The following PALLD variants were observed in gnomAD, a reference collection of about 807,000 sequenced individuals.
PALLD encodes the protein palladin.
A neutral mutation model predicts 123.5 loss-of-function variants in PALLD; 61 were observed. That is an observed-to-expected ratio of 0.49 (90% CI 0.40 to 0.61). The LOEUF is 0.61. Ranked by LOEUF, PALLD falls within the 20% of genes least tolerant of loss-of-function variation. The probability of loss-of-function intolerance (pLI) is 0.00; values close to 1 mark genes in which losing one functional copy is unlikely to be tolerated. For synonymous variants in PALLD, 465 were observed against 496.4 expected, an observed-to-expected ratio of 0.94 and a Z score of 0.84; for missense variants, 1,273 against 1,377.0, an observed-to-expected ratio of 0.92 and a Z score of 1.20.
At chr4:168,803,700 A>G (rs113994621) in intron 10 of PALLD, among the ~76,000 whole-genome samples, 3,181 of 146,350 alleles carry the variant, frequency 0.022, 124 homozygotes, top group African/African-American at 0.074. Context: ...AAAAAAAAAG[A>G]AAAAAGGAAA....
intron 15 of PALLD, among the ~76,000 whole-genome samples, chr4:168,912,325 A>G (rs1759138082): frequency 1.3e-5 from 2 of 152,222 alleles, no homozygotes; most frequent in African/African-American, 4.8e-5. Flanking sequence ...CATTGATGGT[A>G]CATCTGCTTC....
At chr4:168,670,665 G>A (rs2466538) in intron 3 of PALLD, among the ~76,000 whole-genome samples, 48,806 of 143,714 alleles carry the variant, frequency 0.34, 8,624 homozygotes, top group African/African-American at 0.44. Flanking sequence ...CCCGGGAAGC[G>A]GAGCTTGCAG....
intron 10 of PALLD, among the ~76,000 whole-genome samples, chr4:168,754,066 CT>C (rs1364529982): frequency 6.6e-6 from 1 of 152,112 alleles, no homozygotes; most frequent in Non-Finnish European, 1.5e-5. Context: ...AAATTCAGAG[CT>C]TTTTAAAATA....
intron 10 of PALLD, among the ~76,000 whole-genome samples, chr4:168,753,713 A>C (rs949421087): frequency 5.3e-5 from 8 of 152,114 alleles, no homozygotes; most frequent in Non-Finnish European, 1.2e-4. Flanking sequence ...GCAGATAGGA[A>C]CTGGGGCCTC....
intron 10 of PALLD, among the ~76,000 whole-genome samples, chr4:168,716,877 A>G (rs535795065): frequency 6.6e-6 from 1 of 152,296 alleles, no homozygotes; most frequent in South Asian, 2.1e-4. Context: ...GGTTTCCTCC[A>G]CACTCCTAGA....
chr4:168,760,424 C>T (rs1732673805), intron 10 of PALLD, among the ~76,000 whole-genome samples: 1 of 152,168 alleles, frequency 6.6e-6, no homozygotes, highest in Non-Finnish European at 1.5e-5. Context: ...CAAATTGCAG[C>T]ATGGGACTTT....
At chr4:168,837,876 A>C (rs763063735) in intron 10 of PALLD, among the ~76,000 whole-genome samples, 1 of 152,216 alleles carries the variant, frequency 6.6e-6, no homozygotes, top group Non-Finnish European at 1.5e-5. Context: ...CTTATATGCC[A>C]GTGGAAAGAG....
chr4:168,689,122 C>G (rs1327415585), intron 6 of PALLD, among the ~76,000 whole-genome samples: 1 of 152,202 alleles, frequency 6.6e-6, no homozygotes, highest in Admixed American at 6.5e-5. Context: ...TTCTAGTTAA[C>G]TACCAAAATG....
intron 19 of PALLD, 42 bp downstream of exon 19, chr4:168,924,462 C>G: frequency 6.6e-7 from 1 of 1,526,396 alleles, no homozygotes; most frequent in Non-Finnish European, 9.1e-7. Context: ...ACTGTTCAGT[C>G]CTAATGATGT....
chr4:168,524,364 T>C (rs889641205), intron 2 of PALLD, among the ~76,000 whole-genome samples: 1 of 152,204 alleles, frequency 6.6e-6, no homozygotes, highest in Non-Finnish European at 1.5e-5. Flanking sequence ...CATACTAAGA[T>C]ATGAATAGTT....
At position 168,926,635 on chromosome 4, in the gene PALLD, T is replaced by TAAAG. The variant is rs1762614930; in HGVS notation, c.*456_*459dup. 2 of 397,180 alleles carry TAAAG rather than the reference T, an allele frequency of 5.0e-6. No homozygotes were observed. The highest frequency in any genetic ancestry group is 4.1e-5 in the Admixed American group (1 of 24,450). The allele number at this position is 397,180 out of a possible 1,614,324, so 24.6% of individuals were successfully genotyped here. A position where few individuals can be genotyped will look rare whatever the true frequency, so the allele number is the denominator to read the frequency against. ...TTTAAAACTTTGGAATTGCTGTGATTAAAGTGATCAAAATGCCAAAATACT... is the reference window on the plus strand; with the variant it reads ...TTTAAAACTTTGGAATTGCTGTGATTAAAGAAAGTGATCAAAATGCCAAAATACT... On this transcript the variant is annotated 3_prime_UTR_variant, in exon 22 of 22. Coordinates refer to ENST00000505667, the MANE Select transcript of PALLD (RefSeq NM_001166108.2).
chr4:168,857,083 C>T (rs909768526), intron 10 of PALLD, among the ~76,000 whole-genome samples: 1 of 152,248 alleles, frequency 6.6e-6, no homozygotes, highest in Non-Finnish European at 1.5e-5. Context: ...GAACCATCCT[C>T]GTATTTTCTA....
rs561308875 is a variant in PALLD, at chr4:168,575,787, A to G, written c.908+63375A>G. 7.9e-5 allele frequency among the ~76,000 whole-genome samples: 12 copies of G among 152,228 alleles called. No homozygotes were observed. The South Asian group carries it at 2.5e-3, about 32-fold the overall frequency. On this transcript the variant is annotated intron_variant, in intron 2 of 21. Coordinates refer to ENST00000505667, the MANE Select transcript of PALLD (RefSeq NM_001166108.2). ...GGGCTTGAGATTCTGCATTCTAAGA[A>G]GTTTCCAAGTTATGCCACTGCTATT...
intron 2 of PALLD, among the ~76,000 whole-genome samples, chr4:168,646,949 A>G (rs1478811001): frequency 1.3e-5 from 2 of 152,230 alleles, no homozygotes; most frequent in Admixed American, 6.5e-5. Flanking sequence ...AACTACCAAC[A>G]AATTTAAGGT....
chr4:168,784,525 G>A (rs551715587), intron 10 of PALLD, among the ~76,000 whole-genome samples: 64 of 152,280 alleles, frequency 4.2e-4, no homozygotes, highest in African/African-American at 1.5e-3. Context: ...GGCAGAGGGC[G>A]GCTTGAGTTG....
intron 2 of PALLD, among the ~76,000 whole-genome samples, chr4:168,583,388 G>A (rs773231484): frequency 3.3e-5 from 5 of 152,066 alleles, no homozygotes; most frequent in South Asian, 2.1e-4. Context: ...ATGTGCATAC[G>A]AATCACCTGA....
chr4:168,663,677 T>A (rs552948039), intron 2 of PALLD, among the ~76,000 whole-genome samples: 1 of 152,192 alleles, frequency 6.6e-6, no homozygotes, highest in Non-Finnish European at 1.5e-5. Context: ...GCATGCAAAA[T>A]TATGTTCTTT....
Position 168,610,132 on chromosome 4 carries a change from T to C in PALLD, c.909-58058T>C, listed in dbSNP as rs559734536. 1.5e-3 allele frequency among the ~76,000 whole-genome samples: 224 copies of C among 152,354 alleles called. 2 individuals carry two copies. Among genetic ancestry groups the C allele is most frequent in the Non-Finnish European group, 2.5e-3 (170 of 68,024 alleles). On this transcript the variant is annotated intron_variant, in intron 2 of 21. Transcript: ENST00000505667. Reference sequence around the variant, plus strand: ...CTATCTTCCCTCAACTCTTTTATAATATTTGATATGCTTATTTTAATCTTC... The same window carrying C: ...CTATCTTCCCTCAACTCTTTTATAACATTTGATATGCTTATTTTAATCTTC...
chr4:168,549,664 T>C (rs893189171), intron 2 of PALLD, among the ~76,000 whole-genome samples: 1 of 152,142 alleles, frequency 6.6e-6, no homozygotes, highest in Non-Finnish European at 1.5e-5. Context: ...TAATTTATTT[T>C]AATATTCTGG....
Sources: allele counts gnomAD v4.1 joint callset (sites outside exome capture counted in the v4.1 genomes callset), GRCh38; gene constraint gnomAD v4.1.1; transcripts MANE v1.5; gene names NCBI Gene and HGNC (gene_info 2026-07-23, HGNC 2026-07-21).